The following DLG5 variants were observed in gnomAD, a reference collection of about 807,000 sequenced individuals.
DLG5 encodes the protein discs large MAGUK scaffold protein 5, also known as disks large homolog 5.
A neutral mutation model predicts 189.8 loss-of-function variants in DLG5; 48 were observed. The observed-to-expected ratio is 0.25, with a 90% CI of 0.20 to 0.32. The LOEUF is 0.32. DLG5 is among the 10% of genes least tolerant of loss of function. The pLI, the probability that DLG5 is intolerant of heterozygous loss-of-function variation, is 1.00. For synonymous variants in DLG5, 1,016 were observed against 1,054.1 expected, an observed-to-expected ratio of 0.96 and a Z score of 0.70; for missense variants, 2,160 against 2,544.7, an observed-to-expected ratio of 0.85 and a Z score of 3.25.
At chr10:77,917,040 C>A (rs1354970102) in intron 1 of DLG5, among the ~76,000 whole-genome samples, 2 of 151,714 alleles carry the variant, frequency 1.3e-5, no homozygotes, top group Non-Finnish European at 2.9e-5. Context: ...TCTGTATTGA[C>A]TTCACTTATA....
intron 2 of DLG5, among the ~76,000 whole-genome samples, chr10:77,861,529 CA>C (rs1844471041): frequency 6.6e-6 from 1 of 152,180 alleles, no homozygotes; most frequent in Non-Finnish European, 1.5e-5. Context: ...TCTCTGTCTC[CA>C]GACGTCTCAG....
chr10:77,874,360 G>A (rs1350843290), intron 1 of DLG5, among the ~76,000 whole-genome samples: 1 of 152,228 alleles, frequency 6.6e-6, no homozygotes, highest in East Asian at 1.9e-4. Flanking sequence ...TGATAGAAGT[G>A]CTTATCTCTT....
At chr10:77,816,264 G>T in intron 20 of DLG5, 1 of 662,142 alleles carries the variant, frequency 1.5e-6, no homozygotes, top group Non-Finnish European at 2.8e-6. Context: ...GCTTGAACAA[G>T]GGCCCAGGAA....
intron 1 of DLG5, among the ~76,000 whole-genome samples, chr10:77,906,810 G>T (rs35144227): frequency 6.6e-6 from 1 of 151,810 alleles, no homozygotes; most frequent in Admixed American, 6.6e-5. Flanking sequence ...TTTTTCAGTA[G>T]ACATGGGGTT....
At chr10:77,841,777 T>G in intron 7 of DLG5, 104 bp downstream of exon 7, 1 of 1,358,734 alleles carries the variant, frequency 7.4e-7, no homozygotes, top group Non-Finnish European at 1.0e-6. Flanking sequence ...AGCCATTTAC[T>G]CCAACTCAGG....
intron 9 of DLG5, among the ~76,000 whole-genome samples, chr10:77,832,530 A>G (rs1222676181): frequency 2.0e-5 from 3 of 152,140 alleles, no homozygotes; most frequent in African/African-American, 7.2e-5. Flanking sequence ...GCCCCTCCCC[A>G]GGCCAGTGCA....
intron 8 of DLG5, 102 bp downstream of exon 8, chr10:77,835,636 C>T: frequency 7.8e-7 from 1 of 1,280,974 alleles, no homozygotes; most frequent in Non-Finnish European, 1.0e-6. Flanking sequence ...TCCCACTTTA[C>T]CTGGACATAC....
the DLG5 span, among the ~76,000 whole-genome samples, chr10:77,933,992 G>A: frequency 9.6e-4 from 146 of 151,616 alleles, no homozygotes; most frequent in Middle Eastern, 0.017. Flanking sequence ...AGGTTGCAGT[G>A]AGCTGAGATC....
At position 77,926,222 on chromosome 10, in the gene DLG5, C is replaced by T. The variant is rs1436077183; in HGVS notation, c.299G>A (p.Gly100Asp). 1 of 1,511,832 alleles carries T rather than the reference C, an allele frequency of 6.6e-7. No individual in the cohort carries two copies. Among genetic ancestry groups the T allele is most frequent in the Non-Finnish European group, 8.9e-7 (1 of 1,126,696 alleles). 93.7% of individuals were successfully genotyped at this position (1,511,832 alleles called of 1,614,324 possible). The part of the protein sequence containing the change: ...GVVGPPQPAE[G>D]AGSTYSVLST... ...GCCAAGGGTCTGCCACTCACCCGCGCCTTCGGCGGGCTGCGGCGGCCCGAC... is the reference window on the plus strand; with the variant it reads ...GCCAAGGGTCTGCCACTCACCCGCGTCTTCGGCGGGCTGCGGCGGCCCGAC... The change falls in exon 1 of 32, where the codon GGC becomes GAC. Residue 100 changes from glycine to aspartate, a missense_variant. By Grantham distance (94) the Gly-to-Asp change is moderately conservative. Around this residue, in one of 5 missense-constraint regions of DLG5, gnomAD observed 664 missense variants for 838.5 expected, o/e 0.79. Transcript: ENST00000372391. This position sits in a 1 kb window ranked among gnomAD's most constrained non-coding sequence, Gnocchi z 5.2.
chr10:77,820,981 C>G lies in DLG5; in HGVS notation c.3402+101G>C, dbSNP rs1842316549. Reference sequence around the variant, plus strand: ...GCAAAGGCAAAGGCACCAGGCTAAACAGGGGCCTGGGACACTGGTGCAGGG... The same window carrying G: ...GCAAAGGCAAAGGCACCAGGCTAAAGAGGGGCCTGGGACACTGGTGCAGGG... On this transcript the variant is annotated intron_variant, in intron 15 of 31. Coordinates refer to ENST00000372391, the MANE Select transcript of DLG5 (RefSeq NM_004747.4). 3.4e-6 allele frequency: 5 copies of G among 1,451,086 alleles called. No individual in the cohort carries two copies. The East Asian group carries it at 1.2e-4, about 34-fold the overall frequency. The allele number at this position is 1,451,086 out of a possible 1,614,324, so 89.9% of individuals were successfully genotyped here. A position where few individuals can be genotyped will look rare whatever the true frequency, so the allele number is the denominator to read the frequency against.
the DLG5 span, among the ~76,000 whole-genome samples, chr10:77,933,009 C>T: frequency 6.6e-6 from 1 of 152,184 alleles, no homozygotes; most frequent in Admixed American, 6.5e-5. Flanking sequence ...ACTGATGGCA[C>T]CAAGGCAAAT....
In DLG5 at chr10:77,853,551, T is replaced by C. The variant is rs1238550850; in HGVS notation, c.681-14A>G. ...CTGTGGAGTGTGCTGAAACACCCGG[T>C]ACATGCTCAGTGAGCCCCAGCCAGC... On this transcript the variant is annotated splice_polypyrimidine_tract_variant and intron_variant, in intron 4 of 31. Transcript: ENST00000372391. The C allele has an allele frequency of 5.1e-6, 8 of 1,565,422 alleles. No individual in the cohort carries two copies. The highest frequency in any genetic ancestry group is 6.1e-6 in the Non-Finnish European group (7 of 1,151,670).
At chr10:77,830,438 G>T in intron 10 of DLG5, 94 bp from the exon 11 acceptor site, 1 of 1,549,474 alleles carries the variant, frequency 6.5e-7, no homozygotes. Flanking sequence ...CAATGTGGGG[G>T]ACTGTCCCTT....
intron 1 of DLG5, among the ~76,000 whole-genome samples, chr10:77,924,103 G>T (rs1846615955): frequency 6.6e-6 from 1 of 152,164 alleles, no homozygotes; most frequent in Admixed American, 6.5e-5. Flanking sequence ...GGCCTTAAGA[G>T]ATCTGCCCGC....
At chr10:77,936,446 C>CAAAAAAAA in the DLG5 span, among the ~76,000 whole-genome samples, 4 of 52,126 alleles carry the variant, frequency 7.7e-5, no homozygotes, top group Non-Finnish European at 1.3e-4. Flanking sequence ...CAAAACAAAA[C>CAAAAAAAA]AAAAAAAAAA....
chr10:77,801,488 A>G (rs548903083), intron 27 of DLG5, among the ~76,000 whole-genome samples: 2 of 152,216 alleles, frequency 1.3e-5, no homozygotes, highest in South Asian at 4.1e-4. Context: ...AAGAACAAAA[A>G]CCCCGAGGAG....
chr10:77,873,482 C>G (rs1321687431), intron 1 of DLG5, among the ~76,000 whole-genome samples: 1 of 152,066 alleles, frequency 6.6e-6, no homozygotes, highest in African/African-American at 2.4e-5. Flanking sequence ...GAGCCCAGCC[C>G]CTGATAATTC....
chr10:77,806,819 C>A lies in DLG5; in HGVS notation c.4906G>T (p.Ala1636Ser). 6.2e-7 allele frequency: 1 copy of A among 1,614,004 alleles called. No individual in the cohort carries two copies. The highest frequency in any genetic ancestry group is 2.2e-5 in the East Asian group (1 of 44,858). ...LPQGTFGSWMAWQLDENAQKI... is the reference protein window; with the variant it reads ...LPQGTFGSWMSWQLDENAQKI... ...TGGGCATTCTCGTCCAGCTGCCAAG[C>A]CATCCAGGACCCGAACGTGCCCTGG... The change falls in exon 26 of 32, where the codon GCT (alanine) becomes TCT (serine). Residue 1636 changes from alanine to serine, a missense_variant. Coordinates refer to ENST00000372391, the MANE Select transcript of DLG5 (RefSeq NM_004747.4).
intron 5 of DLG5, among the ~76,000 whole-genome samples, chr10:77,844,277 AG>A (rs1267272557): frequency 3.9e-5 from 6 of 152,280 alleles, no homozygotes; most frequent in Admixed American, 1.3e-4. Context: ...TCCATGCTGG[AG>A]GAATTAAGTG....
Sources: allele counts gnomAD v4.1 joint callset (sites outside exome capture counted in the v4.1 genomes callset), GRCh38; gene constraint gnomAD v4.1.1; regional missense constraint gnomAD v4.1.1; non-coding constraint Gnocchi (gnomAD v3.1); transcripts MANE v1.5; gene names NCBI Gene and HGNC (gene_info 2026-07-23, HGNC 2026-07-21).